Variants in MTCL2 observed in about 807,000 individuals in gnomAD.
MTCL2 encodes microtubule crosslinking factor 2.
the MTCL2 span, chr20:36,810,179 A>G: frequency 1.3e-6 from 2 of 1,502,434 alleles, no homozygotes; most frequent in Non-Finnish European, 1.8e-6. Context: ...ATTGTGATCT[A>G]AGGATGACAG....
chr20:36,799,397 CAGG>C, the MTCL2 span, among the ~76,000 whole-genome samples: 1 of 151,980 alleles, frequency 6.6e-6, no homozygotes, highest in Non-Finnish European at 1.5e-5. Flanking sequence ...GAGGCTGAGG[CAGG>C]AGAATCGTTT....
At chr20:36,812,954 C>T in the MTCL2 span, 8 of 1,328,448 alleles carry the variant, frequency 6.0e-6, no homozygotes, top group East Asian at 2.0e-4. Flanking sequence ...AGGCTTGAAC[C>T]ACCCACCTGA....
chr20:36,861,489 A>C, the MTCL2 span, among the ~76,000 whole-genome samples: 1 of 152,200 alleles, frequency 6.6e-6, no homozygotes, highest in Non-Finnish European at 1.5e-5. Context: ...ATAGTTGAGC[A>C]AGACACCAAC....
the MTCL2 span, chr20:36,777,869 G>C: frequency 1.0e-4 from 65 of 624,868 alleles, 2 homozygotes; most frequent in East Asian, 1.1e-3. Context: ...GCTGTTTTTT[G>C]GCACTGTCTA....
chr20:36,813,379 C>G, the MTCL2 span, among the ~76,000 whole-genome samples: 1 of 133,840 alleles, frequency 7.5e-6, no homozygotes, highest in African/African-American at 2.9e-5. Context: ...GAAACCGGAT[C>G]AACAGGTCTT....
the MTCL2 span, among the ~76,000 whole-genome samples, chr20:36,812,054 G>A: frequency 1.6e-3 from 248 of 152,226 alleles, 1 homozygote; most frequent in African/African-American, 5.7e-3. Context: ...TAACCCTCCC[G>A]TTACAGATGG....
At chr20:36,813,718 A>C in the MTCL2 span, among the ~76,000 whole-genome samples, 1 of 122,298 alleles carries the variant, frequency 8.2e-6, no homozygotes. Context: ...GTGCCACCGC[A>C]CTCCAGCCTG....
chr20:36,821,868 T>A, the MTCL2 span, among the ~76,000 whole-genome samples: 2 of 152,198 alleles, frequency 1.3e-5, no homozygotes, highest in Admixed American at 6.5e-5. Flanking sequence ...GCTAAGCACA[T>A]ACTACTACCT....
At chr20:36,834,000 T>C in the MTCL2 span, among the ~76,000 whole-genome samples, 1 of 151,628 alleles carries the variant, frequency 6.6e-6, no homozygotes, top group East Asian at 1.9e-4. Flanking sequence ...CCGTCTCTAC[T>C]AAAAAAATAC....
At chr20:36,793,959 G>A in the MTCL2 span, 4 of 1,551,578 alleles carry the variant, frequency 2.6e-6, no homozygotes, top group Non-Finnish European at 3.5e-6. This position sits in a 1 kb window ranked among gnomAD's most constrained non-coding sequence, Gnocchi z 6.8. Flanking sequence ...ACACTGGCCA[G>A]GCCCACCGTC....
At chr20:36,853,700 G>GGGGT in the MTCL2 span, among the ~76,000 whole-genome samples, 2 of 119,978 alleles carry the variant, frequency 1.7e-5, no homozygotes, top group Non-Finnish European at 3.4e-5. Context: ...CTATCAGGGA[G>GGGGT]GGGTGTGTGT....
At chr20:36,841,637 A>G in the MTCL2 span, among the ~76,000 whole-genome samples, 1 of 152,172 alleles carries the variant, frequency 6.6e-6, no homozygotes, top group African/African-American at 2.4e-5. Context: ...GGCTGAGGAA[A>G]CTGACAGGAG....
chr20:36,782,170 G>A, the MTCL2 span: 3 of 152,136 alleles, frequency 2.0e-5, no homozygotes, highest in Non-Finnish European at 4.4e-5. Context: ...GCAAATTCAA[G>A]GTGGGGCCCA....
chr20:36,821,757 A>G, the MTCL2 span, among the ~76,000 whole-genome samples: 1 of 152,212 alleles, frequency 6.6e-6, no homozygotes, highest in Non-Finnish European at 1.5e-5. Context: ...ACATTTAAAT[A>G]CACATATATG....
chr20:36,801,548 TA>T, the MTCL2 span, among the ~76,000 whole-genome samples: 41 of 122,174 alleles, frequency 3.4e-4, no homozygotes, highest in East Asian at 4.8e-4. Context: ...TCATCTCTCA[TA>T]AAAAAAAAAA....
At chr20:36,829,013 C>G in the MTCL2 span, 1 of 1,490,448 alleles carries the variant, frequency 6.7e-7, no homozygotes, top group African/African-American at 1.4e-5. Context: ...CATGTGCCCA[C>G]CTGCCCTAGG....
chr20:36,843,802 T>C, the MTCL2 span, among the ~76,000 whole-genome samples: 1 of 152,236 alleles, frequency 6.6e-6, no homozygotes, highest in Non-Finnish European at 1.5e-5. Context: ...CACACAACCC[T>C]ATGATGCTGG....
the MTCL2 span, among the ~76,000 whole-genome samples, chr20:36,822,444 A>G: frequency 1.9e-4 from 29 of 152,380 alleles, no homozygotes; most frequent in African/African-American, 5.5e-4. Context: ...TCACAAGGCC[A>G]TCTTTGAGCA....
chr20:36,862,673 C>T, the MTCL2 span: 1 of 1,499,962 alleles, frequency 6.7e-7, no homozygotes, highest in East Asian at 2.7e-5. Flanking sequence ...GATAGTCGTT[C>T]TCCGAGCGCA....
Sources: allele counts gnomAD v4.1 joint callset (sites outside exome capture counted in the v4.1 genomes callset), GRCh38; gene constraint gnomAD v4.1.1; non-coding constraint Gnocchi (gnomAD v3.1); transcripts MANE v1.5; gene names NCBI Gene and HGNC (gene_info 2026-07-23, HGNC 2026-07-21).